Variants in STK3 observed in about 807,000 individuals in gnomAD.
STK3 encodes serine/threonine-protein kinase 3.
In STK3, 41 loss-of-function variants were observed where a neutral mutation model predicts 58.0. The ratio of observed to expected loss-of-function variants is 0.71; its 90% CI spans 0.55 to 0.92. The LOEUF (loss-of-function observed/expected upper bound fraction) is 0.92. STK3 is among the 40% of genes least tolerant of loss of function. The pLI is 0.00. For synonymous variants in STK3, 170 were observed against 191.0 expected (o/e 0.89, Z 0.91); for missense variants, 479 against 602.7 (o/e 0.79, Z 2.15).
intron 8 of STK3, among the ~76,000 whole-genome samples, chr8:98,562,270 G>A (rs1374776493): frequency 6.6e-6 from 1 of 152,002 alleles, no homozygotes; most frequent in Non-Finnish European, 1.5e-5. Flanking sequence ...TATTGAAGAT[G>A]GCCTTCAATA....
chr8:98,488,238 G>A (rs1183866573), intron 10 of STK3, among the ~76,000 whole-genome samples: 1 of 152,126 alleles, frequency 6.6e-6, no homozygotes, highest in African/African-American at 2.4e-5. Flanking sequence ...AATGACCTGT[G>A]CTAATAGAGC....
intron 1 of STK3, among the ~76,000 whole-genome samples, chr8:98,805,579 AAATAAT>A (rs546519221): frequency 2.6e-5 from 4 of 151,378 alleles, no homozygotes; most frequent in South Asian, 2.1e-4. Flanking sequence ...CATCTCCAAA[AAATAAT>A]AATAATAATA....
At chr8:98,439,820 C>T (rs1404941136) in intron 1 of STK3, among the ~76,000 whole-genome samples, 1 of 152,220 alleles carries the variant, frequency 6.6e-6, no homozygotes, top group African/African-American at 2.4e-5. Flanking sequence ...ATGAAGTCTG[C>T]ATACCGATTC....
intron 1 of STK3, among the ~76,000 whole-genome samples, chr8:98,896,401 G>A (rs1275969788): frequency 6.6e-6 from 1 of 152,152 alleles, no homozygotes; most frequent in Non-Finnish European, 1.5e-5. Flanking sequence ...GTGCTGTGCT[G>A]TAGAAGTGAG....
intron 4 of STK3, among the ~76,000 whole-genome samples, chr8:98,745,012 C>A (rs907201472): frequency 1.3e-5 from 2 of 152,076 alleles, no homozygotes; most frequent in African/African-American, 2.4e-5. Context: ...AAGAGTGACA[C>A]CATTTCAAAG....
intron 1 of STK3, among the ~76,000 whole-genome samples, chr8:98,907,982 A>T (rs1017178624): frequency 6.6e-6 from 1 of 152,110 alleles, no homozygotes. Flanking sequence ...GTCTTGTATC[A>T]TGTTCCTCTA....
At chr8:98,422,613 A>G (rs1424791993) in intron 3 of STK3, among the ~76,000 whole-genome samples, 1 of 152,214 alleles carries the variant, frequency 6.6e-6, no homozygotes, top group Non-Finnish European at 1.5e-5. Flanking sequence ...AGGCACAGGA[A>G]ACCGTCTGGG....
intron 6 of STK3, among the ~76,000 whole-genome samples, chr8:98,655,914 G>A (rs923267948): frequency 3.9e-5 from 6 of 152,204 alleles, no homozygotes; most frequent in Non-Finnish European, 8.8e-5. Context: ...CAACCATTGT[G>A]GAAGTCAGTG....
chr8:98,856,523 G>A (rs185223493), intron 3 of STK3, among the ~76,000 whole-genome samples: 2 of 152,248 alleles, frequency 1.3e-5, no homozygotes, highest in Admixed American at 6.5e-5. Context: ...TCACACAGTA[G>A]GATGGCTAGA....
intron 3 of STK3, among the ~76,000 whole-genome samples, chr8:98,835,191 G>A (rs1835702259): frequency 6.6e-6 from 1 of 152,128 alleles, no homozygotes; most frequent in African/African-American, 2.4e-5. Context: ...ACTACTCTGA[G>A]CTATTTTTCT....
chr8:98,490,251 T>TA (rs1050540638), intron 10 of STK3, among the ~76,000 whole-genome samples: 1 of 152,224 alleles, frequency 6.6e-6, no homozygotes, highest in African/African-American at 2.4e-5. Flanking sequence ...ACCATCATCT[T>TA]ACTGGTATGT....
intron 4 of STK3, among the ~76,000 whole-genome samples, chr8:98,736,774 A>G (rs1204634447): frequency 1.3e-5 from 2 of 152,106 alleles, no homozygotes; most frequent in African/African-American, 4.8e-5. Context: ...TCTATTGTCA[A>G]CTCCCTAAAT....
the STK3 span, among the ~76,000 whole-genome samples, chr8:98,352,158 G>GACTACTGGA: frequency 7.4e-6 from 1 of 135,052 alleles, no homozygotes; most frequent in East Asian, 2.1e-4. Flanking sequence ...AAAAAAAAGA[G>GACTACTGGA]ACTACTGGAG....
intron 2 of STK3, among the ~76,000 whole-genome samples, chr8:98,374,816 G>A (rs1031467897): frequency 6.6e-6 from 1 of 152,156 alleles, no homozygotes; most frequent in Admixed American, 6.6e-5. Flanking sequence ...AGATTTCCTT[G>A]TATATACATA....
chr8:98,803,601 AAAAAAAAG>A (rs1179865591), intron 1 of STK3, among the ~76,000 whole-genome samples: 1,786 of 148,042 alleles, frequency 0.012, 47 homozygotes, highest in African/African-American at 0.035. Context: ...TTCAAAAAAA[AAAAAAAAG>A]AAAAAAAAAG....
rs2130995401 is a variant in STK3, at chr8:98,696,962, A to G, written c.684+9505T>C. Among the ~76,000 whole-genome samples, 3 of 152,336 alleles carry G rather than the reference A, an allele frequency of 2.0e-5. No individual in the cohort carries two copies. The East Asian group carries it at 5.8e-4, about 29-fold the overall frequency. Reference sequence around the variant, plus strand: ...AATTCCTCCTTGTACCTCTGGTAGAATTCGGCTGTGAATCCATCTGGTCCT... The same window carrying G: ...AATTCCTCCTTGTACCTCTGGTAGAGTTCGGCTGTGAATCCATCTGGTCCT... On this transcript the variant is annotated intron_variant, in intron 6 of 10. Transcript: ENST00000419617.
chr8:98,931,872 T>C (rs774536314), intron 1 of STK3, among the ~76,000 whole-genome samples: 1 of 152,260 alleles, frequency 6.6e-6, no homozygotes, highest in African/African-American at 2.4e-5. Flanking sequence ...CCTTCACTAA[T>C]GAATGGTCCC....
At chr8:98,651,560 T>G (rs1449713516) in intron 6 of STK3, 1 of 152,668 alleles carries the variant, frequency 6.6e-6, no homozygotes, top group East Asian at 1.9e-4. Context: ...AGGAGGAAAT[T>G]CAAACCAAAG....
rs536110379 is a variant in STK3 at position 98,696,195 on chromosome 8, C to T, written c.684+10272G>A. On this transcript the variant is annotated intron_variant, in intron 6 of 10. Coordinates refer to ENST00000419617, the MANE Select transcript of STK3 (RefSeq NM_006281.4). Reference sequence around the variant, plus strand: ...TGTATAAGAATGCTTGTGATTTTTGCACATTGATTTTGTATCCTGAGACTT... The same window carrying T: ...TGTATAAGAATGCTTGTGATTTTTGTACATTGATTTTGTATCCTGAGACTT... 6.6e-3 allele frequency among the ~76,000 whole-genome samples: 1,001 copies of T among 152,280 alleles called. 9 individuals carry two copies. The highest frequency in any genetic ancestry group is 0.023 in the African/African-American group (957 of 41,542).
Sources: gnomAD v4.1 joint callset for allele counts (sites outside exome capture counted in the v4.1 genomes callset) on GRCh38, gnomAD v4.1.1 for gene constraint, MANE v1.5 for transcripts, NCBI Gene and HGNC (gene_info 2026-07-23, HGNC 2026-07-21) for gene names.